DAB1: variants seen among roughly 807,000 people sequenced by gnomAD.
The protein encoded by DAB1 is DAB adaptor protein 1.
In DAB1, 15 loss-of-function variants were observed where a neutral mutation model predicts 64.6. The ratio of observed to expected loss-of-function variants is 0.23; its 90% CI spans 0.16 to 0.36. The LOEUF is 0.36. DAB1 is among the 10% of genes least tolerant of loss of function. DAB1 has a pLI of 1.00. For missense variants in DAB1, 596 were observed against 706.7 expected (o/e 0.84, Z 1.78); for synonymous variants, 235 against 251.9 (o/e 0.93, Z 0.64).
intron 7 of DAB1, among the ~76,000 whole-genome samples, chr1:57,572,829 G>T (rs1558506209): frequency 6.6e-6 from 1 of 152,136 alleles, no homozygotes; most frequent in Non-Finnish European, 1.5e-5. Flanking sequence ...GAAGGTGAAG[G>T]GGGAGCAGAC....
At chr1:58,300,642 GAGAGAGGAAGGA>G (rs1398943671) in intron 4 of DAB1, among the ~76,000 whole-genome samples, 8 of 51,756 alleles carry the variant, frequency 1.5e-4, no homozygotes, top group East Asian at 7.4e-4. Flanking sequence ...GAGAGAGAGA[GAGAGAGGAAGGA>G]AGGAAGGAAG....
chr1:57,309,253 C>T (rs901262020), intron 1 of DAB1, among the ~76,000 whole-genome samples: 1 of 152,152 alleles, frequency 6.6e-6, no homozygotes, highest in East Asian at 1.9e-4. Flanking sequence ...TTACACACAT[C>T]AGTTAGCTAG....
intron 3 of DAB1, among the ~76,000 whole-genome samples, chr1:58,481,415 G>A (rs548032006): frequency 2.6e-5 from 4 of 152,174 alleles, no homozygotes; most frequent in East Asian, 3.9e-4. Flanking sequence ...TTAATAATCT[G>A]TAACAACTGC....
intron 6 of DAB1, among the ~76,000 whole-genome samples, chr1:57,699,693 T>C (rs139412068): frequency 0.026 from 3,990 of 152,188 alleles, 105 homozygotes; most frequent in South Asian, 0.073. Flanking sequence ...GGCAGGCAGA[T>C]CACGAGGTCA....
At chr1:58,283,112 A>G (rs1661602311) in intron 4 of DAB1, among the ~76,000 whole-genome samples, 1 of 151,904 alleles carries the variant, frequency 6.6e-6, no homozygotes, top group African/African-American at 2.4e-5. Context: ...TTGCTTGGTA[A>G]AATTGCACTG....
intron 1 of DAB1, among the ~76,000 whole-genome samples, chr1:58,534,541 A>C (rs2100483110): frequency 6.6e-6 from 1 of 152,366 alleles, no homozygotes; most frequent in African/African-American, 2.4e-5. Context: ...TCTAATACTA[A>C]GTTTTTTTAT....
chr1:57,589,693 G>T (rs930867918), intron 7 of DAB1, among the ~76,000 whole-genome samples: 11 of 152,048 alleles, frequency 7.2e-5, no homozygotes, highest in Non-Finnish European at 1.3e-4. Context: ...GGAGGGGGAG[G>T]TTGCAATGAG....
chr1:58,479,103 T>C (rs1340515191), intron 3 of DAB1, among the ~76,000 whole-genome samples: 1 of 152,224 alleles, frequency 6.6e-6, no homozygotes, highest in Non-Finnish European at 1.5e-5. Flanking sequence ...TATATGTTTC[T>C]AGCAAGTATG....
intron 7 of DAB1, among the ~76,000 whole-genome samples, chr1:57,485,995 G>A (rs958955314): frequency 2.0e-5 from 3 of 152,054 alleles, no homozygotes; most frequent in African/African-American, 7.2e-5. Context: ...CTAAGATTTG[G>A]CCCTGCTCAC....
At chr1:58,013,173 G>C (rs1646693193) in intron 5 of DAB1, among the ~76,000 whole-genome samples, 1 of 152,096 alleles carries the variant, frequency 6.6e-6, no homozygotes, top group Admixed American at 6.5e-5. Context: ...TGAGATTTTA[G>C]GATCGTTACA....
At chr1:57,280,811 A>AT (rs923701223) in intron 2 of DAB1, among the ~76,000 whole-genome samples, 28 of 152,150 alleles carry the variant, frequency 1.8e-4, no homozygotes, top group Admixed American at 6.6e-4. Flanking sequence ...CTTAGGGGAG[A>AT]TTTTTTTAAA....
At chr1:57,687,599 CAAA>C (rs57316234) in intron 6 of DAB1, among the ~76,000 whole-genome samples, 15 of 82,456 alleles carry the variant, frequency 1.8e-4, no homozygotes, top group African/African-American at 5.2e-4. Context: ...TCTTAAGAAA[CAAA>C]AAAAAAAAAA....
intron 6 of DAB1, among the ~76,000 whole-genome samples, chr1:57,756,424 G>C (rs974952907): frequency 2.2e-4 from 34 of 152,272 alleles, no homozygotes; most frequent in South Asian, 2.1e-3. Context: ...AGCAAGGTTA[G>C]AGTGCCCAGA....
At chr1:57,792,088 T>C (rs1377603542) in intron 6 of DAB1, among the ~76,000 whole-genome samples, 4 of 152,194 alleles carry the variant, frequency 2.6e-5, no homozygotes, top group Admixed American at 6.5e-5. Flanking sequence ...CTGACAACCC[T>C]TCCACTGAGG....
intron 2 of DAB1, chr1:58,527,244 A>G (rs1203195039): frequency 1.1e-6 from 1 of 871,652 alleles, no homozygotes; most frequent in South Asian, 1.3e-5. Flanking sequence ...TGTATTCTCA[A>G]CTACTAAACA....
chr1:57,996,885 G>T (rs982034528), intron 5 of DAB1, among the ~76,000 whole-genome samples: 2 of 152,126 alleles, frequency 1.3e-5, no homozygotes, highest in Admixed American at 1.3e-4. Flanking sequence ...CATTTGGGGG[G>T]TCTGTTGGTG....
intron 7 of DAB1, among the ~76,000 whole-genome samples, chr1:57,470,538 T>C (rs1368363313): frequency 6.6e-6 from 1 of 152,180 alleles, no homozygotes. Flanking sequence ...AGTGTGTTAC[T>C]TTTCATTTGG....
intron 4 of DAB1, among the ~76,000 whole-genome samples, chr1:58,296,523 G>A (rs1489863930): frequency 2.0e-5 from 3 of 152,170 alleles, no homozygotes; most frequent in African/African-American, 7.2e-5. Context: ...GACTCCAGTG[G>A]CACATCCTGC....
At chr1:57,125,506 A>T (rs867680485) in intron 4 of DAB1, among the ~76,000 whole-genome samples, 4 of 152,314 alleles carry the variant, frequency 2.6e-5, no homozygotes, top group Middle Eastern at 3.4e-3. Context: ...TCTGAAAAAA[A>T]TACATATGGC....
Sources: allele counts gnomAD v4.1 joint callset (sites outside exome capture counted in the v4.1 genomes callset), GRCh38; gene constraint gnomAD v4.1.1; transcripts MANE v1.5; gene names NCBI Gene and HGNC (gene_info 2026-07-23, HGNC 2026-07-21).